The following GTF2H1 variants were observed in gnomAD, a reference collection of about 807,000 sequenced individuals.
The protein encoded by GTF2H1 is BTF2 p62.
A neutral mutation model predicts 71.2 loss-of-function variants in GTF2H1; 16 were observed. The observed-to-expected ratio is 0.22, with a 90% CI of 0.15 to 0.34. The LOEUF is 0.34. Ranked by LOEUF, GTF2H1 falls within the 10% of genes least tolerant of loss-of-function variation. The pLI, the probability that GTF2H1 is intolerant of heterozygous loss-of-function variation, is 1.00. For missense variants in GTF2H1, 498 were observed against 648.2 expected (o/e 0.77, Z 2.52); for synonymous variants, 215 against 219.0 (o/e 0.98, Z 0.16).
intron 9 of GTF2H1, among the ~76,000 whole-genome samples, chr11:18,349,024 A>G (rs1228414931): frequency 2.0e-5 from 3 of 152,124 alleles, no homozygotes; most frequent in Non-Finnish European, 4.4e-5. Context: ...CCTCCGGAGT[A>G]GCTGGGATTA....
At chr11:18,365,667 G>A (rs1459289681) in intron 14 of GTF2H1, 116 bp from the exon 15 acceptor site, 8 of 694,538 alleles carry the variant, frequency 1.2e-5, no homozygotes, top group Non-Finnish European at 2.1e-5. Flanking sequence ...CTCATTGACT[G>A]GGGAAATACA....
chr11:18,335,881 C>T lies in GTF2H1; in HGVS notation c.282C>T (p.Asp94=), dbSNP rs1865015053. The change falls in exon 3 of 15, where the codon GAC becomes GAT. Residue 94 remains aspartate (D), a synonymous_variant. Transcript: ENST00000265963. ...TAVKERDAVK[D]LLQQLLPKFK... ...TGAAAGAGCGAGATGCAGTAAAAGA[C>T]CTTCTTCAGCAGCTGCTGCCCAAAT... is the stretch of plus-strand genomic sequence containing the variant. 3 of 1,614,070 alleles carry T rather than the reference C, an allele frequency of 1.9e-6. No individual in the cohort carries two copies. The highest frequency in any genetic ancestry group is 1.3e-5 in the African/African-American group (1 of 75,042).
At chr11:18,356,262 C>T (rs1005776931) in intron 11 of GTF2H1, among the ~76,000 whole-genome samples, 1 of 151,762 alleles carries the variant, frequency 6.6e-6, no homozygotes, top group Non-Finnish European at 1.5e-5. Flanking sequence ...CCTGTAGTCT[C>T]AGCTACTCGG....
rs1864940569 is a variant in GTF2H1 at position 18,333,149 on chromosome 11, C to T, written c.75C>T (p.Tyr25=). 5.6e-6 allele frequency: 9 copies of T among 1,613,322 alleles called. No homozygotes were observed. Among genetic ancestry groups the T allele is most frequent in the Non-Finnish European group, 7.6e-6 (9 of 1,179,670 alleles). ...AAAAGAAGCAGGATGGAGCTCTGTA[C>T]CTCATGGCAGAAAGAATTGCTTGGG... ...VRQKKQDGAL[Y]LMAERIAWAP... is the part of the protein sequence containing the mutation. The change falls in exon 2 of 15, where the codon TAC becomes TAT. Residue 25 remains tyrosine, a synonymous_variant. Coordinates refer to ENST00000265963, the MANE Select transcript of GTF2H1 (RefSeq NM_005316.4).
Position 18,366,790 on chromosome 11 carries a change from G to A in GTF2H1, c.*921G>A, listed in dbSNP as rs1024071146. 1 of 150,644 alleles carries A rather than the reference G, an allele frequency of 6.6e-6. No homozygotes were observed. The highest frequency in any genetic ancestry group is 2.4e-5 in the African/African-American group (1 of 40,918). 9.3% of individuals were successfully genotyped at this position (150,644 alleles called of 1,614,324 possible). The stretch of plus-strand genomic sequence containing the variant: ...AAAAAATCTTATTTTCACCTCTTTA[G>A]AAGAAATAAAAGATGTTTCTCCTAT... On this transcript the variant is annotated 3_prime_UTR_variant, in exon 15 of 15. Transcript: ENST00000265963.
intron 7 of GTF2H1, among the ~76,000 whole-genome samples, chr11:18,346,451 A>G (rs1296268946): frequency 6.6e-6 from 1 of 152,158 alleles, no homozygotes; most frequent in Non-Finnish European, 1.5e-5. Context: ...CTTCTCCAGT[A>G]GGATTGATTA....
In GTF2H1 at chr11:18,328,202, CAAAAA is replaced by C. The variant is rs35694798; in HGVS notation, c.-15-4844_-15-4840del. Among the ~76,000 whole-genome samples, 110 of 99,936 alleles carry C rather than the reference CAAAAA, an allele frequency of 1.1e-3. No homozygotes were observed. The East Asian group carries it at 0.023, about 21-fold the overall frequency. 65.6% of individuals were successfully genotyped at this position (99,936 alleles called of 152,430 possible). ...TGGGTGACAGAGGGAGACTCCATCT[CAAAAA>C]AAAAAAAAAAAAAGAATATGGGGCC... is the stretch of plus-strand genomic sequence containing the variant. On this transcript the variant is annotated intron_variant, in intron 1 of 14. Coordinates refer to ENST00000265963, the MANE Select transcript of GTF2H1 (RefSeq NM_005316.4).
chr11:18,346,305 C>G (rs1865291952), intron 7 of GTF2H1, among the ~76,000 whole-genome samples: 1 of 152,216 alleles, frequency 6.6e-6, no homozygotes, highest in Non-Finnish European at 1.5e-5. Context: ...CTGCCTCAAC[C>G]TCCCAAATAA....
chr11:18,326,342 C>G (rs192296926), intron 1 of GTF2H1, among the ~76,000 whole-genome samples: 4 of 151,890 alleles, frequency 2.6e-5, no homozygotes, highest in Non-Finnish European at 5.9e-5. Flanking sequence ...GCCAACATGG[C>G]GAAACCCCAT....
chr11:18,334,902 AT>A (rs1442910200), intron 2 of GTF2H1, among the ~76,000 whole-genome samples: 1 of 152,054 alleles, frequency 6.6e-6, no homozygotes, highest in Non-Finnish European at 1.5e-5. Context: ...CCATTGTTAC[AT>A]TTCCATTGGT....
chr11:18,325,655 A>G (rs1013165932), intron 1 of GTF2H1, among the ~76,000 whole-genome samples: 1 of 152,050 alleles, frequency 6.6e-6, no homozygotes, highest in Non-Finnish European at 1.5e-5. Flanking sequence ...TTTAGCTGGT[A>G]ACTTTGAAGC....
intron 2 of GTF2H1, among the ~76,000 whole-genome samples, chr11:18,334,559 A>G (rs1335041585): frequency 1.3e-5 from 2 of 152,244 alleles, no homozygotes; most frequent in Non-Finnish European, 2.9e-5. Flanking sequence ...ACAGTGTACA[A>G]TAAACAGTAT....
intron 1 of GTF2H1, among the ~76,000 whole-genome samples, chr11:18,329,412 G>T (rs1864843408): frequency 6.6e-6 from 1 of 152,212 alleles, no homozygotes. Context: ...CAGAAATGGG[G>T]TATGGGCAAG....
At chr11:18,358,448 C>A in intron 12 of GTF2H1, 77 bp from the exon 13 acceptor site, 2 of 776,706 alleles carry the variant, frequency 2.6e-6, no homozygotes, top group Non-Finnish European at 4.4e-6. Flanking sequence ...CAAATTTATT[C>A]TCTGAGTGGT....
chr11:18,347,563 A>C (rs565808523), intron 7 of GTF2H1, 25 bp from the exon 8 acceptor site: 1 of 1,520,690 alleles, frequency 6.6e-7, no homozygotes, highest in South Asian at 1.3e-5. Context: ...TTTTTAAAAA[A>C]TTTTTAATCT....
intron 3 of GTF2H1, among the ~76,000 whole-genome samples, chr11:18,337,761 T>C (rs1262598794): frequency 6.6e-6 from 1 of 152,236 alleles, no homozygotes; most frequent in Non-Finnish European, 1.5e-5. Context: ...CCATTTTATC[T>C]AACGGACTTG....
At chr11:18,357,094 T>G (rs1463690442) in intron 11 of GTF2H1, among the ~76,000 whole-genome samples, 1 of 152,174 alleles carries the variant, frequency 6.6e-6, no homozygotes, top group Non-Finnish European at 1.5e-5. Flanking sequence ...TTACACTAAG[T>G]TGAAAAAATG....
intron 14 of GTF2H1, among the ~76,000 whole-genome samples, chr11:18,365,465 A>G (rs1865799890): frequency 1.3e-5 from 2 of 152,222 alleles, no homozygotes; most frequent in South Asian, 4.1e-4. Context: ...AATCACAGAT[A>G]TAGTTCAGAC....
At chr11:18,352,299 A>T (rs1450808370) in intron 10 of GTF2H1, 30 bp from the exon 11 acceptor site, 1 of 943,424 alleles carries the variant, frequency 1.1e-6, no homozygotes, top group Admixed American at 1.8e-5. Context: ...ACTGTGTGTG[A>T]TTAGTAATTT....
Sources: gnomAD v4.1 joint callset for allele counts (sites outside exome capture counted in the v4.1 genomes callset) on GRCh38, gnomAD v4.1.1 for gene constraint, MANE v1.5 for transcripts, NCBI Gene and HGNC (gene_info 2026-07-23, HGNC 2026-07-21) for gene names.